The following CDKAL1 variants were observed in gnomAD, a reference collection of about 807,000 sequenced individuals.
CDKAL1 encodes the protein threonylcarbamoyladenosine tRNA methylthiotransferase.
A neutral mutation model predicts 68.2 loss-of-function variants in CDKAL1; 32 were observed. The observed-to-expected ratio is 0.47, with a 90% CI of 0.35 to 0.63. CDKAL1 has a LOEUF of 0.63. Ranked by LOEUF, CDKAL1 falls within the 30% of genes least tolerant of loss-of-function variation. The probability of loss-of-function intolerance (pLI) is 0.00; values close to 1 mark genes in which losing one functional copy is unlikely to be tolerated. For synonymous variants in CDKAL1, 234 were observed against 244.3 expected (o/e 0.96, Z 0.39); for missense variants, 606 against 696.7 (o/e 0.87, Z 1.47).
intron 15 of CDKAL1, among the ~76,000 whole-genome samples, chr6:21,218,902 G>A (rs1582439358): frequency 6.6e-6 from 1 of 152,038 alleles, no homozygotes; most frequent in East Asian, 1.9e-4. Flanking sequence ...TCATCTTCAG[G>A]GCTGCCTACC....
At chr6:20,973,074 G>A (rs535251347) in intron 10 of CDKAL1, among the ~76,000 whole-genome samples, 4 of 45,604 alleles carry the variant, frequency 8.8e-5, no homozygotes, top group East Asian at 2.5e-3. Context: ...GCGAAACTCC[G>A]TCTCAAAAAA....
intron 15 of CDKAL1, among the ~76,000 whole-genome samples, chr6:21,204,260 T>C (rs1778811398): frequency 6.6e-6 from 1 of 152,160 alleles, no homozygotes; most frequent in African/African-American, 2.4e-5. Flanking sequence ...GTAGAGAGAA[T>C]AGTATAATAA....
intron 2 of CDKAL1, among the ~76,000 whole-genome samples, chr6:20,544,551 G>A (rs961624974): frequency 3.9e-5 from 5 of 128,770 alleles, no homozygotes; most frequent in South Asian, 2.5e-4. Context: ...AGTCGAGATC[G>A]CGCCACTGCA....
At position 20,721,025 on chromosome 6, in the gene CDKAL1, A is replaced by G. The variant is rs543189466; in HGVS notation, c.372-18494A>G. ...TGTGCACAACGTGCAGGTTTGTTAC[A>G]TATGTATACGTGTGCCATGTTGGTA... On this transcript the variant is annotated intron_variant, in intron 5 of 15. Transcript: ENST00000274695. 2.9e-3 allele frequency among the ~76,000 whole-genome samples: 447 copies of G among 152,206 alleles called. 2 individuals carry two copies. Among genetic ancestry groups the G allele is most frequent in the Non-Finnish European group, 4.7e-3 (317 of 68,000 alleles).
chr6:20,756,200 A>C (rs1484961662), intron 6 of CDKAL1: 1 of 152,124 alleles, frequency 6.6e-6, no homozygotes, highest in Non-Finnish European at 1.5e-5. Context: ...TCTCTGCTCA[A>C]ACTGCAAAAA....
At chr6:20,698,934 T>C (rs936885819) in intron 5 of CDKAL1, among the ~76,000 whole-genome samples, 12 of 152,136 alleles carry the variant, frequency 7.9e-5, no homozygotes, top group African/African-American at 2.9e-4. Flanking sequence ...ATGATACAAA[T>C]CAGACCAATG....
At chr6:21,160,707 A>G (rs1342213051) in intron 13 of CDKAL1, among the ~76,000 whole-genome samples, 1 of 146,248 alleles carries the variant, frequency 6.8e-6, no homozygotes, top group Non-Finnish European at 1.5e-5. Context: ...ATATATGTAT[A>G]TATATTTTTT....
intron 15 of CDKAL1, among the ~76,000 whole-genome samples, chr6:21,226,081 C>T (rs1334471947): frequency 6.6e-6 from 1 of 152,186 alleles, no homozygotes; most frequent in East Asian, 1.9e-4. Context: ...AGCTCGAGGA[C>T]TTACTGCTCC....
At chr6:21,220,367 C>G (rs1357066035) in intron 15 of CDKAL1, among the ~76,000 whole-genome samples, 1 of 152,078 alleles carries the variant, frequency 6.6e-6, no homozygotes, top group East Asian at 1.9e-4. Context: ...TGTGCAGTTA[C>G]TAAGAGAACC....
chr6:20,983,861 A>C (rs1766291216), intron 10 of CDKAL1, among the ~76,000 whole-genome samples: 1 of 152,188 alleles, frequency 6.6e-6, no homozygotes. Flanking sequence ...GTTTGTTAAC[A>C]CCTTTATGCA....
chr6:20,878,855 GATCA>G (rs1760671107), intron 9 of CDKAL1, among the ~76,000 whole-genome samples: 1 of 151,842 alleles, frequency 6.6e-6, no homozygotes, highest in African/African-American at 2.4e-5. Flanking sequence ...AACGTGGGCG[GATCA>G]CCTGAGGTCA....
Position 21,205,788 on chromosome 6 carries a change from C to A in CDKAL1, c.1548+4514C>A, listed in dbSNP as rs6932635. Among the ~76,000 whole-genome samples, 284 of 148,394 alleles carry A rather than the reference C, an allele frequency of 1.9e-3. 1 individual carries two copies. Among genetic ancestry groups the A allele is most frequent in the African/African-American group, 6.8e-3 (273 of 39,896 alleles). Reference sequence around the variant, plus strand: ...CCTCGTGATCTGCCCGCCTTGGCCTCCCAAAGTGCTGGGATTACATGCGTG... The same window carrying A: ...CCTCGTGATCTGCCCGCCTTGGCCTACCAAAGTGCTGGGATTACATGCGTG... On this transcript the variant is annotated intron_variant, in intron 15 of 15. Coordinates refer to ENST00000274695, the MANE Select transcript of CDKAL1 (RefSeq NM_017774.3).
rs191111995 is a variant in CDKAL1, at chr6:21,205,569, C to T, written c.1548+4295C>T. ...TTTTTGAGACAGAGTCTCGCCCTGT[C>T]GCCCAGGCTGGAGTGCAGTGGCCTG... On this transcript the variant is annotated intron_variant, in intron 15 of 15. Transcript: ENST00000274695. Among the ~76,000 whole-genome samples the T allele has an allele frequency of 8.1e-3, 1,238 of 152,028 alleles. 14 individuals are homozygous for T. The highest frequency in any genetic ancestry group is 0.027 in the African/African-American group (1,112 of 41,426).
At chr6:20,770,985 C>T (rs1193530459) in intron 7 of CDKAL1, among the ~76,000 whole-genome samples, 1 of 152,170 alleles carries the variant, frequency 6.6e-6, no homozygotes, top group African/African-American at 2.4e-5. Flanking sequence ...AAACATCTGC[C>T]AGATCATCTC....
chr6:20,939,162 G>T (rs1173342394), intron 9 of CDKAL1, among the ~76,000 whole-genome samples: 2 of 152,250 alleles, frequency 1.3e-5, no homozygotes, highest in East Asian at 1.9e-4. Flanking sequence ...CTATTTGGGG[G>T]TGGGGTGGAG....
At chr6:20,983,845 TTTA>T (rs1156731081) in intron 10 of CDKAL1, among the ~76,000 whole-genome samples, 2 of 152,182 alleles carry the variant, frequency 1.3e-5, no homozygotes, top group African/African-American at 2.4e-5. Context: ...CCAGAAATGA[TTTA>T]TTGTTTGTTA....
At position 20,600,415 on chromosome 6, in the gene CDKAL1, A is replaced by G. The variant is rs1266454862; in HGVS notation, c.287-48878A>G. 5.9e-5 allele frequency among the ~76,000 whole-genome samples: 9 copies of G among 151,928 alleles called. No homozygotes were observed. The South Asian group carries it at 8.3e-4, about 14-fold the overall frequency. ...CACACCTCTTATTTTACCTTTTTCCATTTGTGGTTAAACCTATTGTAAATA... is the reference window on the plus strand; with the variant it reads ...CACACCTCTTATTTTACCTTTTTCCGTTTGTGGTTAAACCTATTGTAAATA... On this transcript the variant is annotated intron_variant, in intron 4 of 15. Transcript: ENST00000274695.
intron 12 of CDKAL1, among the ~76,000 whole-genome samples, chr6:21,075,969 T>C (rs1433189395): frequency 6.6e-6 from 1 of 152,150 alleles, no homozygotes; most frequent in Non-Finnish European, 1.5e-5. Flanking sequence ...AGATGTTAAA[T>C]TGTGATACAT....
chr6:20,663,159 G>T (rs955295305), intron 5 of CDKAL1, among the ~76,000 whole-genome samples: 3 of 152,070 alleles, frequency 2.0e-5, no homozygotes, highest in African/African-American at 7.2e-5. Context: ...CTCAAAACCC[G>T]TGCTTGCATC....
Sources: allele counts gnomAD v4.1 joint callset (sites outside exome capture counted in the v4.1 genomes callset), GRCh38; gene constraint gnomAD v4.1.1; transcripts MANE v1.5; gene names NCBI Gene and HGNC (gene_info 2026-07-23, HGNC 2026-07-21).